Variants in SCARB1 observed in about 807,000 individuals in gnomAD.
SCARB1 encodes the protein scavenger receptor class B member 1.
Under a neutral mutation model 57.2 loss-of-function variants are expected in SCARB1, and 30 were observed. That is an observed-to-expected ratio of 0.52 (90% confidence interval 0.39 to 0.71). The LOEUF is 0.71. SCARB1 is among the 30% of genes least tolerant of loss of function. The probability of loss-of-function intolerance (pLI) is 0.00; values close to 1 mark genes in which losing one functional copy is unlikely to be tolerated. For missense variants in SCARB1, 543 were observed against 671.2 expected (o/e 0.81, Z 2.11); for synonymous variants, 249 against 268.3 (o/e 0.93, Z 0.70).
intron 1 of SCARB1, among the ~76,000 whole-genome samples, chr12:124,846,698 T>A (rs1566248839): frequency 8.7e-6 from 1 of 115,040 alleles, no homozygotes; most frequent in Admixed American, 1.3e-4. Context: ...GCCACTGCAC[T>A]CTAGCCTGGC....
intron 8 of SCARB1, among the ~76,000 whole-genome samples, chr12:124,799,509 C>T (rs143859570): frequency 0.029 from 4,401 of 152,064 alleles, 86 homozygotes; most frequent in Middle Eastern, 0.061. Context: ...CCTGGGCAAC[C>T]GAGTGAGACC....
chr12:124,846,199 C>T (rs1952143294), intron 1 of SCARB1, among the ~76,000 whole-genome samples: 1 of 152,048 alleles, frequency 6.6e-6, no homozygotes, highest in South Asian at 2.1e-4. Flanking sequence ...ATTCGATTTA[C>T]AAGGATTAAT....
intron 9 of SCARB1, 35 bp from the exon 10 acceptor site, chr12:124,787,492 A>G (rs1241298800): frequency 6.3e-7 from 1 of 1,591,268 alleles, no homozygotes; most frequent in Non-Finnish European, 8.6e-7. Flanking sequence ...TGTGAAACAA[A>G]GTCTTACACC....
At chr12:124,813,577 C>T (rs1330759465) in intron 4 of SCARB1, among the ~76,000 whole-genome samples, 6 of 152,214 alleles carry the variant, frequency 3.9e-5, no homozygotes, top group Admixed American at 3.3e-4. Flanking sequence ...TCAGGATTTA[C>T]AAGATGCCTT....
chr12:124,779,370 C>A (rs1427482716), intron 12 of SCARB1, among the ~76,000 whole-genome samples: 2 of 152,154 alleles, frequency 1.3e-5, no homozygotes, highest in Non-Finnish European at 1.5e-5. Context: ...CGGTCACATT[C>A]AAAAAGTGAC....
chr12:124,788,337 C>T (rs137975795), intron 9 of SCARB1, among the ~76,000 whole-genome samples: 14 of 152,356 alleles, frequency 9.2e-5, no homozygotes, highest in African/African-American at 3.4e-4. Context: ...GATGGCAATG[C>T]ACCCAGTTAA....
In SCARB1 at chr12:124,811,950, A is replaced by G; in HGVS notation, c.646T>C (p.Ser216Pro). The change falls in exon 5 of 13, where the codon TCT (serine) becomes CCT (proline). Residue 216 changes from serine (S) to proline (P), a missense_variant. Physicochemically the swap from Ser to Pro is moderately conservative, Grantham distance 74. Transcript: ENST00000261693. ...GLFAELNNSD[S>P]GLFTVFTGVQ... ...CCCGTGAACACCGTGAAGAGCCCAG[A>G]GTCGGAGTTGTTGAGCTACAGACAC... The G allele has an allele frequency of 6.2e-7, 1 of 1,612,732 alleles. No individual in the cohort carries two copies. The highest frequency in any genetic ancestry group is 1.1e-5 in the South Asian group (1 of 90,666).
intron 1 of SCARB1, among the ~76,000 whole-genome samples, chr12:124,853,093 T>C (rs1180081494): frequency 6.6e-6 from 1 of 152,080 alleles, no homozygotes; most frequent in Non-Finnish European, 1.5e-5. Flanking sequence ...CGGGGTGTCT[T>C]CTTCAAAAGG....
At chr12:124,825,280 C>G (rs1470502993) in intron 1 of SCARB1, among the ~76,000 whole-genome samples, 1 of 150,692 alleles carries the variant, frequency 6.6e-6, no homozygotes, top group East Asian at 1.9e-4. Flanking sequence ...TATTTCACAA[C>G]CCACAATCTG....
At chr12:124,832,542 A>G (rs1409057511) in intron 1 of SCARB1, among the ~76,000 whole-genome samples, 1 of 152,074 alleles carries the variant, frequency 6.6e-6, no homozygotes, top group African/African-American at 2.4e-5. Flanking sequence ...ACTGTTCTAA[A>G]ACAGAAAGTT....
At chr12:124,854,167 A>G (rs1370300539) in intron 1 of SCARB1, among the ~76,000 whole-genome samples, 1 of 152,198 alleles carries the variant, frequency 6.6e-6, no homozygotes, top group African/African-American at 2.4e-5. Context: ...ACAGGGGGAC[A>G]AGGGGGAACC....
intron 1 of SCARB1, chr12:124,839,354 G>T (rs1951819235): frequency 2.3e-6 from 1 of 441,128 alleles, no homozygotes; most frequent in Non-Finnish European, 4.6e-6. Flanking sequence ...CTTCCTCAAG[G>T]CCCGTGCATG....
rs763093735 is a variant in SCARB1, at chr12:124,787,380, C to G, written c.1254+26G>C. The G allele has an allele frequency of 1.1e-5, 17 of 1,611,610 alleles. 1 individual carries two copies. The highest frequency in any genetic ancestry group is 3.3e-4 in the Middle Eastern group (2 of 6,080). On this transcript the variant is annotated intron_variant, in intron 10 of 12. Transcript: ENST00000261693. ...CACATTGGCTCTTAACAAAAGCCCC[C>G]GACGCTGTGCCCAACGCACCCTTAC...
intron 11 of SCARB1, 99 bp downstream of exon 11, chr12:124,786,258 C>T: frequency 1.2e-6 from 2 of 1,600,132 alleles, no homozygotes; most frequent in Non-Finnish European, 1.7e-6. Flanking sequence ...GAGGTGGGCT[C>T]CAGGCTGCGG....
In SCARB1 at chr12:124,817,806, G is replaced by A. The variant is rs535479517; in HGVS notation, c.127-99C>T. On this transcript the variant is annotated intron_variant, in intron 1 of 12. Transcript: ENST00000261693. The surrounding 1 kb of genome is among the most constrained non-coding windows in gnomAD (Gnocchi z 4.8). Reference sequence around the variant, plus strand: ...CAGCTGCCCGAGCCCGGCCAGGGAAGGGGCTCCTCGGCGGGAGCTTGGGAT... The same window carrying A: ...CAGCTGCCCGAGCCCGGCCAGGGAAAGGGCTCCTCGGCGGGAGCTTGGGAT... 1.0e-4 allele frequency: 135 copies of A among 1,303,036 alleles called. 1 individual carries two copies. In the African/African-American group the frequency reaches 1.9e-3, roughly 18 times the overall value. 80.7% of individuals were successfully genotyped at this position (1,303,036 alleles called of 1,614,324 possible). A position where few individuals can be genotyped will look rare whatever the true frequency, so the allele number is the denominator to read the frequency against.
intron 1 of SCARB1, among the ~76,000 whole-genome samples, chr12:124,833,152 CT>C (rs1287794627): frequency 6.6e-6 from 1 of 151,390 alleles, no homozygotes; most frequent in African/African-American, 2.4e-5. Context: ...ATTGTGGCCC[CT>C]GGGACAATCC....
At chr12:124,805,614 C>T (rs1488862052) in intron 7 of SCARB1, among the ~76,000 whole-genome samples, 1 of 151,994 alleles carries the variant, frequency 6.6e-6, no homozygotes, top group Non-Finnish European at 1.5e-5. Flanking sequence ...GGCTGGAGTG[C>T]AGTGGGGTGA....
At position 124,814,057 on chromosome 12, in the gene SCARB1, T is replaced by G; in HGVS notation, c.630+145A>C. ...ATTCCCCATTTCACTCAAGCCGGTTTGAGTCAGGTTCTCAGTCACTTACAA... is the reference window on the plus strand; with the variant it reads ...ATTCCCCATTTCACTCAAGCCGGTTGGAGTCAGGTTCTCAGTCACTTACAA... On this transcript the variant is annotated intron_variant, in intron 4 of 12. Coordinates refer to ENST00000261693, the MANE Select transcript of SCARB1 (RefSeq NM_005505.5). The surrounding 1 kb of genome is among the most constrained non-coding windows in gnomAD (Gnocchi z 4.7). 1 of 792,012 alleles carries G rather than the reference T, an allele frequency of 1.3e-6. No homozygotes were observed. Among genetic ancestry groups the G allele is most frequent in the Non-Finnish European group, 2.2e-6 (1 of 445,376 alleles). 49.1% of individuals were successfully genotyped at this position (792,012 alleles called of 1,614,324 possible). A position where few individuals can be genotyped will look rare whatever the true frequency, so the allele number is the denominator to read the frequency against.
In SCARB1 at chr12:124,810,037, G is replaced by T; in HGVS notation, c.842+137C>A. 1.5e-6 allele frequency: 1 copy of T among 687,722 alleles called. No homozygotes were observed. The highest frequency in any genetic ancestry group is 2.8e-5 in the East Asian group (1 of 36,120). 42.6% of individuals were successfully genotyped at this position (687,722 alleles called of 1,614,324 possible). On this transcript the variant is annotated intron_variant, in intron 6 of 12. Coordinates refer to ENST00000261693, the MANE Select transcript of SCARB1 (RefSeq NM_005505.5). This position sits in a 1 kb window ranked among gnomAD's most constrained non-coding sequence, Gnocchi z 4.0. ...TGGCTTTTGGTGGTGTGACCAAAGA[G>T]AATTCAAGCTGGTGCCAAGGGCTAC...
Sources: gnomAD v4.1 joint callset for allele counts (sites outside exome capture counted in the v4.1 genomes callset) on GRCh38, gnomAD v4.1.1 for gene constraint, Gnocchi (gnomAD v3.1) non-coding constraint, MANE v1.5 for transcripts, NCBI Gene and HGNC (gene_info 2026-07-23, HGNC 2026-07-21) for gene names.